PAX1: variants seen among roughly 807,000 people sequenced by gnomAD.
PAX1 encodes paired box 1, also known as paired box protein Pax-1.
In PAX1, 18 loss-of-function variants were observed where a neutral mutation model predicts 35.6. That is an observed-to-expected ratio of 0.50 (90% CI 0.35 to 0.75). PAX1 has a LOEUF of 0.75. PAX1 is among the 30% of genes least tolerant of loss of function. PAX1 has a pLI of 0.01. For missense variants in PAX1, 760 were observed against 661.5 expected, an observed-to-expected ratio of 1.15 and a Z score of -1.63; for synonymous variants, 397 against 305.2, an observed-to-expected ratio of 1.30 and a Z score of -3.14.
chr20:21,706,530 G>A lies in PAX1; in HGVS notation c.379G>A (p.Ala127Thr). 6.2e-7 allele frequency: 1 copy of A among 1,612,306 alleles called. No individual in the cohort carries two copies. The highest frequency in any genetic ancestry group is 2.2e-5 in the East Asian group (1 of 44,856). The stretch of plus-strand genomic sequence containing the variant: ...CATCCGCTTGCGCATTGTGGAGCTG[G>A]CGCAGCTGGGCATCCGACCCTGTGA... ...NAIRLRIVEL[A>T]QLGIRPCDIS... The change falls in exon 2 of 5, where the codon GCG becomes ACG. Residue 127 changes from alanine (A) to threonine (T), a missense_variant. By Grantham distance (58) the Ala-to-Thr change is moderately conservative. Coordinates refer to ENST00000613128, the MANE Select transcript of PAX1 (RefSeq NM_001257096.2). The surrounding 1 kb of genome is among the most constrained non-coding windows in gnomAD (Gnocchi z 5.3).
At position 21,718,462 on chromosome 20, in the gene PAX1, A is replaced by G. The variant is rs1985444328; in HGVS notation, c.*3900A>G. ...CTTGTGTGAAGAAATACTGGCTACA[A>G]ATAAAGTTTAGATTTTCAATACTGG... On this transcript the variant is annotated 3_prime_UTR_variant, in exon 5 of 5. Coordinates refer to ENST00000613128, the MANE Select transcript of PAX1 (RefSeq NM_001257096.2). The G allele has an allele frequency of 6.6e-6, 1 of 152,182 alleles. No homozygotes were observed. Among genetic ancestry groups the G allele is most frequent in the Admixed American group, 6.5e-5 (1 of 15,276 alleles). 9.4% of individuals were successfully genotyped at this position (152,182 alleles called of 1,614,324 possible). A position where few individuals can be genotyped will look rare whatever the true frequency, so the allele number is the denominator to read the frequency against.
rs1027891587 is a variant in PAX1 at position 21,706,838 on chromosome 20, G to A, written c.687G>A (p.Ala229=). ...TGCGCAACAAGATCGGCAGCCTGGC[G>A]CAGCCCGGACCGTACGAGGCAAGTA... ...RILRNKIGSL[A]QPGPYEASKQ... is the part of the protein sequence containing the mutation. The change falls in exon 2 of 5, where the codon GCG becomes GCA. Residue 229 remains alanine (A), a synonymous_variant. Coordinates refer to ENST00000613128, the MANE Select transcript of PAX1 (RefSeq NM_001257096.2). This position sits in a 1 kb window ranked among gnomAD's most constrained non-coding sequence, Gnocchi z 5.3. 3.1e-6 allele frequency: 5 copies of A among 1,613,278 alleles called. No homozygotes were observed. In the African/African-American group the frequency reaches 6.7e-5, roughly 22 times the overall value.
Position 21,706,796 on chromosome 20 carries a change from C to T in PAX1, c.645C>T (p.Ser215=), listed in dbSNP as rs1464520758. 6.2e-7 allele frequency: 1 copy of T among 1,613,544 alleles called. No individual in the cohort carries two copies. Among genetic ancestry groups the T allele is most frequent in the African/African-American group, 1.3e-5 (1 of 75,078 alleles). The change falls in exon 2 of 5, where the codon AGC becomes AGT. Residue 215 remains serine, a synonymous_variant. Transcript: ENST00000613128. This position sits in a 1 kb window ranked among gnomAD's most constrained non-coding sequence, Gnocchi z 5.3. ...ACAAGTACAATGTGCCTTCGGTGAG[C>T]TCCATCAGCCGCATCCTGCGCAACA... ...VCDKYNVPSV[S]SISRILRNKI...
chr20:21,714,923 C>A lies in PAX1; in HGVS notation c.*361C>A. 1 of 817,474 alleles carries A rather than the reference C, an allele frequency of 1.2e-6. No homozygotes were observed. Among genetic ancestry groups the A allele is most frequent in the Non-Finnish European group, 2.0e-6 (1 of 490,140 alleles). 50.6% of individuals were successfully genotyped at this position (817,474 alleles called of 1,614,324 possible). A position where few individuals can be genotyped will look rare whatever the true frequency, so the allele number is the denominator to read the frequency against. On this transcript the variant is annotated 3_prime_UTR_variant, in exon 5 of 5. Coordinates refer to ENST00000613128, the MANE Select transcript of PAX1 (RefSeq NM_001257096.2). ...GTCTCGCCTCTCTCCCTGTTTCCTTCCCCCCTCTTTCTTTCTCACTCTCCC... is the reference window on the plus strand; with the variant it reads ...GTCTCGCCTCTCTCCCTGTTTCCTTACCCCCTCTTTCTTTCTCACTCTCCC...
At chr20:21,709,200 CG>C (rs1985112076) in intron 3 of PAX1, 21 bp from the exon 4 acceptor site, 1 of 1,570,966 alleles carries the variant, frequency 6.4e-7, no homozygotes, top group Admixed American at 1.7e-5. Context: ...CTGCTGCTGA[CG>C]GTCCCTCTCT....
chr20:21,714,864 A>C lies in PAX1; in HGVS notation c.*302A>C, dbSNP rs1360635640. The C allele has an allele frequency of 7.0e-7, 1 of 1,418,930 alleles. No homozygotes were observed. The highest frequency in any genetic ancestry group is 9.8e-7 in the Non-Finnish European group (1 of 1,018,884). 87.9% of individuals were successfully genotyped at this position (1,418,930 alleles called of 1,614,324 possible). On this transcript the variant is annotated 3_prime_UTR_variant, in exon 5 of 5. Coordinates refer to ENST00000613128, the MANE Select transcript of PAX1 (RefSeq NM_001257096.2). ...TGGCCTCCTTCGCTCTGCCAGCTTC[A>C]AATTTCTTTTTTGTCACTCCCTTGT... is the stretch of plus-strand genomic sequence containing the variant.
rs1279571003 is a variant in PAX1 at position 21,708,550 on chromosome 20, T to G, written c.917-8T>G. 3 of 1,613,480 alleles carry G rather than the reference T, an allele frequency of 1.9e-6. No homozygotes were observed. Among genetic ancestry groups the G allele is most frequent in the Non-Finnish European group, 2.5e-6 (3 of 1,180,024 alleles). On this transcript the variant is annotated splice_region_variant and splice_polypyrimidine_tract_variant and intron_variant, in intron 2 of 4. Transcript: ENST00000613128. ...GGCACCTTTTAATCCGTCCTCTCTC[T>G]CCTGCAGGGGCCCTGGCTGGGAGCG... is the stretch of plus-strand genomic sequence containing the variant.
In PAX1 at chr20:21,714,928, C is replaced by T. The variant is rs1985320242; in HGVS notation, c.*366C>T. 2.5e-6 allele frequency: 2 copies of T among 792,272 alleles called. No individual in the cohort carries two copies. The highest frequency in any genetic ancestry group is 2.0e-5 in the Admixed American group (1 of 50,006). 49.1% of individuals were successfully genotyped at this position (792,272 alleles called of 1,614,324 possible). The stretch of plus-strand genomic sequence containing the variant: ...GCCTCTCTCCCTGTTTCCTTCCCCC[C>T]TCTTTCTTTCTCACTCTCCCTCCCT... On this transcript the variant is annotated 3_prime_UTR_variant, in exon 5 of 5. Transcript: ENST00000613128.
chr20:21,706,873 C>T lies in PAX1; in HGVS notation c.722C>T (p.Pro241Leu), dbSNP rs781605270. The T allele has an allele frequency of 5.0e-6, 8 of 1,613,322 alleles. No homozygotes were observed. The highest frequency in any genetic ancestry group is 5.9e-6 in the Non-Finnish European group (7 of 1,180,028). ...CCGTACGAGGCAAGTAAGCAGCCGC[C>T]GTCGCAGCCTACGCTGCCCTACAAC... ...PGPYEASKQP[P>L]SQPTLPYNHI... Residue 241 changes from proline to leucine, a missense_variant, in exon 2 of 5, where the codon CCG becomes CTG. Around this residue, in one of 3 missense-constraint regions of PAX1, gnomAD observed 490 missense variants for 428.4 expected, o/e 1.14. Coordinates refer to ENST00000613128, the MANE Select transcript of PAX1 (RefSeq NM_001257096.2). This position sits in a 1 kb window ranked among gnomAD's most constrained non-coding sequence, Gnocchi z 5.3.
chr20:21,707,064 A>G lies in PAX1; in HGVS notation c.913A>G (p.Thr305Ala), dbSNP rs1308225820. The change falls in exon 2 of 5, where the codon ACA (threonine) becomes GCA (alanine). Residue 305 changes from threonine (T) to alanine (A), a missense_variant. Around this residue, in one of 3 missense-constraint regions of PAX1, gnomAD observed 490 missense variants for 428.4 expected, o/e 1.14. Coordinates refer to ENST00000613128, the MANE Select transcript of PAX1 (RefSeq NM_001257096.2). ...ILGIRTFMEQ[T>A]GALAGSEGTA... Reference sequence around the variant, plus strand: ...GGGCATCCGGACGTTTATGGAGCAAACAGGTCAGTTGTGGCGGCCTCCGTA... The same window carrying G: ...GGGCATCCGGACGTTTATGGAGCAAGCAGGTCAGTTGTGGCGGCCTCCGTA... 3.1e-6 allele frequency: 5 copies of G among 1,612,900 alleles called. No individual in the cohort carries two copies. The highest frequency in any genetic ancestry group is 4.2e-6 in the Non-Finnish European group (5 of 1,180,020).
chr20:21,708,401 C>T, intron 2 of PAX1, 157 bp from the exon 3 acceptor site: 1 of 861,784 alleles, frequency 1.2e-6, no homozygotes, highest in Non-Finnish European at 2.0e-6. Flanking sequence ...GAGTGGTGAA[C>T]ATTCCAGTCC....
Position 21,706,304 on chromosome 20 carries a change from G to C in PAX1, c.287-134G>C, listed in dbSNP as rs767242102. On this transcript the variant is annotated intron_variant, in intron 1 of 4. Coordinates refer to ENST00000613128, the MANE Select transcript of PAX1 (RefSeq NM_001257096.2). This position sits in a 1 kb window ranked among gnomAD's most constrained non-coding sequence, Gnocchi z 5.3. The stretch of plus-strand genomic sequence containing the variant: ...CCCAGGCGGTTTGCCCTTGGACTCC[G>C]AGCTGTCTGGGGACCCACAGGTCAC... 3 of 1,237,860 alleles carry C rather than the reference G, an allele frequency of 2.4e-6. No homozygotes were observed. Among genetic ancestry groups the C allele is most frequent in the Non-Finnish European group, 3.5e-6 (3 of 857,492 alleles). The allele number at this position is 1,237,860 out of a possible 1,614,324, so 76.7% of individuals were successfully genotyped here.
chr20:21,713,579 A>T (rs930888532), intron 4 of PAX1, among the ~76,000 whole-genome samples: 4 of 152,190 alleles, frequency 2.6e-5, no homozygotes, highest in Non-Finnish European at 5.9e-5. Flanking sequence ...AAGAAAATTG[A>T]AAATAGGCCC....
Position 21,708,813 on chromosome 20 carries a change from G to A in PAX1, c.1059+113G>A, listed in dbSNP as rs997241272. On this transcript the variant is annotated intron_variant, in intron 3 of 4. Transcript: ENST00000613128. ...AAAATTTCCAGGCAGAGAGATGGTT[G>A]TATCTGGCAGCCGGCTAGCAAGCGT... 3 of 1,060,860 alleles carry A rather than the reference G, an allele frequency of 2.8e-6. No homozygotes were observed. The African/African-American group carries it at 4.7e-5, about 17-fold the overall frequency. 65.7% of individuals were successfully genotyped at this position (1,060,860 alleles called of 1,614,324 possible).
intron 3 of PAX1, among the ~76,000 whole-genome samples, 200 bp downstream of exon 3, chr20:21,708,900 T>G (rs957573025): frequency 3.9e-5 from 6 of 152,180 alleles, no homozygotes; most frequent in African/African-American, 1.2e-4. Context: ...GGGGTTGACT[T>G]GCCTTTGCCA....
At position 21,709,821 on chromosome 20, in the gene PAX1, C is replaced by T. The variant is rs571873723; in HGVS notation, c.1282+377C>T. Among the ~76,000 whole-genome samples the T allele has an allele frequency of 2.1e-3, 315 of 152,092 alleles. 1 individual carries two copies. Among genetic ancestry groups the T allele is most frequent in the African/African-American group, 6.5e-3 (268 of 41,478 alleles). ...ATCCAGAGACACGTCTAGCAGGCAC[C>T]CTCCAGGCTCACCTTTCTGTAGACC... On this transcript the variant is annotated intron_variant, in intron 4 of 4. Coordinates refer to ENST00000613128, the MANE Select transcript of PAX1 (RefSeq NM_001257096.2).
chr20:21,711,654 G>A (rs534346407), intron 4 of PAX1, among the ~76,000 whole-genome samples: 21 of 152,264 alleles, frequency 1.4e-4, no homozygotes, highest in African/African-American at 4.8e-4. Flanking sequence ...ATAACTTGGG[G>A]ACACCATTAG....
Position 21,709,453 on chromosome 20 carries a change from C to T in PAX1, c.1282+9C>T. 6.6e-7 allele frequency: 1 copy of T among 1,512,310 alleles called. No homozygotes were observed. The highest frequency in any genetic ancestry group is 1.2e-5 in the South Asian group (1 of 80,630). 93.7% of individuals were successfully genotyped at this position (1,512,310 alleles called of 1,614,324 possible). A position where few individuals can be genotyped will look rare whatever the true frequency, so the allele number is the denominator to read the frequency against. On this transcript the variant is annotated intron_variant, in intron 4 of 4. Coordinates refer to ENST00000613128, the MANE Select transcript of PAX1 (RefSeq NM_001257096.2). The stretch of plus-strand genomic sequence containing the variant: ...GCATCCCAGCCGAGAAGGTGAGGAG[C>T]GCAGGGAGTGGGGCGGGTGGATGCT...
chr20:21,706,049 G>A lies in PAX1; in HGVS notation c.286+51G>A. On this transcript the variant is annotated intron_variant, in intron 1 of 4. Coordinates refer to ENST00000613128, the MANE Select transcript of PAX1 (RefSeq NM_001257096.2). The surrounding 1 kb of genome is among the most constrained non-coding windows in gnomAD (Gnocchi z 5.3). ...TCGGGAGGGCTGATGAGGTGGGTCG[G>A]GTCCGCCTGCCTCCCTTCCCTCTCG... is the stretch of plus-strand genomic sequence containing the variant. The A allele has an allele frequency of 7.2e-7, 1 of 1,379,576 alleles. No individual in the cohort carries two copies. The highest frequency in any genetic ancestry group is 9.6e-7 in the Non-Finnish European group (1 of 1,038,772). The allele number at this position is 1,379,576 out of a possible 1,614,324, so 85.5% of individuals were successfully genotyped here.
Sources: gnomAD v4.1 joint callset for allele counts (sites outside exome capture counted in the v4.1 genomes callset) on GRCh38, gnomAD v4.1.1 for gene constraint, gnomAD v4.1.1 regional missense constraint, Gnocchi (gnomAD v3.1) non-coding constraint, MANE v1.5 for transcripts, NCBI Gene and HGNC (gene_info 2026-07-23, HGNC 2026-07-21) for gene names.